Variants in MDN1 observed in about 807,000 individuals in gnomAD.
The protein encoded by MDN1 is midasin.
MDN1 carries 266 observed loss-of-function variants against 669.2 expected under a neutral mutation model. That is an observed-to-expected ratio of 0.40 (90% CI 0.36 to 0.44). MDN1 has a LOEUF of 0.44. MDN1 is among the 20% of genes least tolerant of loss of function. MDN1 has a pLI of 1.00. For missense variants in MDN1, 5,940 were observed against 6,754.0 expected, an observed-to-expected ratio of 0.88 and a Z score of 4.22; for synonymous variants, 2,385 against 2,457.1, an observed-to-expected ratio of 0.97 and a Z score of 0.87.
chr6:89,672,468 A>G, intron 81 of MDN1, 79 bp downstream of exon 81: 2 of 1,594,210 alleles, frequency 1.3e-6, no homozygotes, highest in Non-Finnish European at 8.5e-7. Flanking sequence ...ATCCTTAACT[A>G]TTTAGCCACA....
At chr6:89,724,955 T>C (rs1815115961) in intron 38 of MDN1, among the ~76,000 whole-genome samples, 1 of 152,222 alleles carries the variant, frequency 6.6e-6, no homozygotes, top group Non-Finnish European at 1.5e-5. Flanking sequence ...CACAGAATCC[T>C]GAAAAGGCTG....
Position 89,695,815 on chromosome 6 carries a change from C to T in MDN1, c.9561G>A (p.Glu3187=), listed in dbSNP as rs377153774. 35 of 1,613,746 alleles carry T rather than the reference C, an allele frequency of 2.2e-5. No homozygotes were observed. The African/African-American group carries it at 4.1e-4, about 19-fold the overall frequency. Residue 3187 remains glutamate, a synonymous_variant, in exon 61 of 102, where the codon GAG becomes GAA. Transcript: ENST00000369393. The surrounding 1 kb of genome is among the most constrained non-coding windows in gnomAD (Gnocchi z 4.1). ...GQTLGDMAGQ[E]VLPKELLCQL... The stretch of plus-strand genomic sequence containing the variant: ...GGCAGAGCAGTTCCTTGGGCAGCAC[C>T]TCCTGACCAGCCATGTCCCCAAGTG...
chr6:89,685,695 C>T (rs1209202370), intron 70 of MDN1, 132 bp downstream of exon 70: 5 of 955,344 alleles, frequency 5.2e-6, no homozygotes, highest in Admixed American at 5.6e-5. Context: ...TAATGTGAAT[C>T]GCATTAAACA....
intron 53 of MDN1, among the ~76,000 whole-genome samples, chr6:89,703,369 A>AGGG (rs113306279): frequency 1.0e-3 from 141 of 136,082 alleles, no homozygotes; most frequent in Admixed American, 6.0e-3. Context: ...TGTATGGGGA[A>AGGG]GGGGGGGGGG....
At chr6:89,660,308 C>T (rs1809640626) in intron 88 of MDN1, among the ~76,000 whole-genome samples, 1 of 152,108 alleles carries the variant, frequency 6.6e-6, no homozygotes, top group Non-Finnish European at 1.5e-5. Context: ...GCCTCAGCTC[C>T]TGAGGAGCTG....
In MDN1 at chr6:89,743,647, A is replaced by T; in HGVS notation, c.4246T>A (p.Cys1416Ser). 1 of 1,614,152 alleles carries T rather than the reference A, an allele frequency of 6.2e-7. No individual in the cohort carries two copies. Among genetic ancestry groups the T allele is most frequent in the Non-Finnish European group, 8.5e-7 (1 of 1,179,982 alleles). ...LANQKLYSVS[C>S]HLHMETSDFL... is the part of the protein sequence containing the mutation. ...TCTGATGTCTCCATGTGTAAGTGGC[A>T]GCTGACAGAGTATAATTTCTGATTT... The change falls in exon 30 of 102, where the codon TGC becomes AGC. Residue 1416 changes from cysteine (C) to serine (S), a missense_variant. Around this residue, in one of 5 missense-constraint regions of MDN1, gnomAD observed 2,292 missense variants for 2,638.3 expected, o/e 0.87. Coordinates refer to ENST00000369393, the MANE Select transcript of MDN1 (RefSeq NM_014611.3).
rs1177998896 is a variant in MDN1, at chr6:89,642,703, T to C, written c.*1302A>G. ...CAACTAGTAACAGCTGACTGACTGA[T>C]CCAGCAGAGAAGATCAGTCCCCTAG... On this transcript the variant is annotated 3_prime_UTR_variant, in exon 102 of 102. Transcript: ENST00000369393. 6.6e-6 allele frequency: 1 copy of C among 152,240 alleles called. No homozygotes were observed. The highest frequency in any genetic ancestry group is 2.4e-5 in the African/African-American group (1 of 41,446). 9.4% of individuals were successfully genotyped at this position (152,240 alleles called of 1,614,324 possible).
intron 32 of MDN1, among the ~76,000 whole-genome samples, chr6:89,739,489 C>G (rs1816173610): frequency 6.6e-6 from 1 of 152,136 alleles, no homozygotes; most frequent in Non-Finnish European, 1.5e-5. Context: ...TTCAGCTACC[C>G]ACCAAATTAC....
chr6:89,661,643 TC>T, intron 87 of MDN1, 65 bp from the exon 88 acceptor site: 2 of 1,448,342 alleles, frequency 1.4e-6, no homozygotes, highest in South Asian at 2.7e-5. Flanking sequence ...AAAGTAGAAT[TC>T]CCATAAAATC....
In MDN1 at chr6:89,662,075, A is replaced by G. The variant is rs1413441716; in HGVS notation, c.14565+12T>C. 1 of 1,607,926 alleles carries G rather than the reference A, an allele frequency of 6.2e-7. No individual in the cohort carries two copies. The highest frequency in any genetic ancestry group is 8.5e-7 in the Non-Finnish European group (1 of 1,177,944). On this transcript the variant is annotated intron_variant, in intron 87 of 101. Coordinates refer to ENST00000369393, the MANE Select transcript of MDN1 (RefSeq NM_014611.3). ...GAGTCAAGAGAGCGGATCAGTTTCA[A>G]ATCTTCATTACCTCATCTATTTGTT...
intron 31 of MDN1, among the ~76,000 whole-genome samples, chr6:89,741,486 C>CA (rs1372679782): frequency 1.3e-5 from 2 of 152,086 alleles, no homozygotes; most frequent in East Asian, 3.9e-4. Flanking sequence ...AGCGCCCCCC[C>CA]AAAACTAACC....
At chr6:89,801,655 AAAAAC>A (rs1374021538) in intron 2 of MDN1, among the ~76,000 whole-genome samples, 6 of 151,858 alleles carry the variant, frequency 4.0e-5, no homozygotes, top group Non-Finnish European at 7.4e-5. Flanking sequence ...GTCTCAAAAA[AAAAAC>A]AAAACAAAAC....
chr6:89,682,650 GTGAGCCGAGA>G (rs1397862581), intron 73 of MDN1, among the ~76,000 whole-genome samples: 2 of 147,528 alleles, frequency 1.4e-5, no homozygotes, highest in South Asian at 4.5e-4. Context: ...GGAGCTTGCA[GTGAGCCGAGA>G]TCGTGCCACT....
rs1814568094 is a variant in MDN1, at chr6:89,718,438, C to A, written c.6511G>T (p.Val2171Phe). Reference protein sequence around the residue: ...EGGKAITMEIVNKLEAVLLLM... With the variant: ...EGGKAITMEIFNKLEAVLLLM... ...AATAACACTGCTTCTAGTTTGTTGA[C>A]AATCTCCATCGTGATAGCTTTACCA... The change falls in exon 43 of 102, where the codon GTC becomes TTC. Residue 2171 changes from valine (V) to phenylalanine (F), a missense_variant. Val to Phe is a conservative substitution (Grantham distance 50). Coordinates refer to ENST00000369393, the MANE Select transcript of MDN1 (RefSeq NM_014611.3). 6.2e-7 allele frequency: 1 copy of A among 1,613,998 alleles called. No homozygotes were observed. Among genetic ancestry groups the A allele is most frequent in the Non-Finnish European group, 8.5e-7 (1 of 1,180,030 alleles).
rs1315554957 is a variant in MDN1 at position 89,745,290 on chromosome 6, C to T, written c.4161G>A (p.Leu1387=). 6.2e-6 allele frequency: 10 copies of T among 1,613,898 alleles called. No homozygotes were observed. The East Asian group carries it at 1.6e-4, about 25-fold the overall frequency. The part of the protein sequence containing the change: ...GRALEFGEPV[L]LVGDTGCGKT... ...ATCTTTACCCAGTGTCTCCAACCAG[C>T]AGCACAGGTTCACCAAATTCCAATG... is the stretch of plus-strand genomic sequence containing the variant. Residue 1387 remains leucine, a synonymous_variant, in exon 29 of 102, where the codon CTG becomes CTA. Transcript: ENST00000369393.
rs752184671 is a variant in MDN1 at position 89,645,056 on chromosome 6, T to C, written c.16561A>G (p.Ile5521Val). 4.5e-5 allele frequency: 73 copies of C among 1,609,984 alleles called. No homozygotes were observed. Among genetic ancestry groups the C allele is most frequent in the Non-Finnish European group, 1.8e-5 (21 of 1,176,582 alleles). Reference protein sequence around the residue: ...AAVQAARNANIFVIFVVLDNP... With the variant: ...AAVQAARNANVFVIFVVLDNP... The stretch of plus-strand genomic sequence containing the variant: ...TCCAATACAACAAAGATGACAAAGA[T>C]ATTTGCATTCCGGGCAGCCTGAACT... The change falls in exon 101 of 102, where the codon ATC (isoleucine) becomes GTC (valine). Residue 5521 changes from isoleucine to valine, a missense_variant. By Grantham distance (29) the Ile-to-Val change is conservative (BLOSUM62 3). Coordinates refer to ENST00000369393, the MANE Select transcript of MDN1 (RefSeq NM_014611.3).
chr6:89,685,701 A>T, intron 70 of MDN1, 126 bp downstream of exon 70: 1 of 1,031,128 alleles, frequency 9.7e-7, no homozygotes, highest in Non-Finnish European at 1.4e-6. Context: ...GAATCGCATT[A>T]AACATAACTA....
chr6:89,706,190 G>A lies in MDN1; in HGVS notation c.8017C>T (p.Pro2673Ser). The A allele has an allele frequency of 6.2e-7, 1 of 1,607,236 alleles. No individual in the cohort carries two copies. The highest frequency in any genetic ancestry group is 8.5e-7 in the Non-Finnish European group (1 of 1,177,324). ...LRMSFEFHQD[P>S]ESYHTLPHEI... ...TGGGGCAGAGTGTGATAGCTTTCTGGATCTGAGAGTCAACATAAATAAAAT... is the reference window on the plus strand; with the variant it reads ...TGGGGCAGAGTGTGATAGCTTTCTGAATCTGAGAGTCAACATAAATAAAAT... The change falls in exon 53 of 102, where the codon CCA becomes TCA. Residue 2673 changes from proline (P) to serine (S), a missense_variant and splice_region_variant. Coordinates refer to ENST00000369393, the MANE Select transcript of MDN1 (RefSeq NM_014611.3).
In MDN1 at chr6:89,644,092, A is replaced by AATGATATAGT; in HGVS notation, c.16694_16703dup (p.Arg5570TyrfsTer11). 6.2e-7 allele frequency: 1 copy of AATGATATAGT among 1,614,094 alleles called. No individual in the cohort carries two copies. Among genetic ancestry groups the AATGATATAGT allele is most frequent in the South Asian group, 1.1e-5 (1 of 91,064 alleles). ...CAGGAAGTGCGTTTACATCTCGAAG[A>AATGATATAGT]ATGATATAGTATGGGAATGGGAACT... On this transcript the variant is annotated frameshift_variant, in exon 102 of 102. Transcript: ENST00000369393. LOFTEE classifies it high-confidence loss of function.
Sources: gnomAD v4.1 joint callset for allele counts (sites outside exome capture counted in the v4.1 genomes callset) on GRCh38, gnomAD v4.1.1 for gene constraint, gnomAD v4.1.1 regional missense constraint, Gnocchi (gnomAD v3.1) non-coding constraint, MANE v1.5 for transcripts, NCBI Gene and HGNC (gene_info 2026-07-23, HGNC 2026-07-21) for gene names.